The following SRL variants were observed in gnomAD, a reference collection of about 807,000 sequenced individuals.
The protein encoded by SRL is sarcalumenin.
SRL carries 23 observed loss-of-function variants against 39.5 expected under a neutral mutation model. That is an observed-to-expected ratio of 0.58 (90% CI 0.42 to 0.82). The LOEUF is 0.82. Among genes scored for constraint, SRL ranks in the 40% least tolerant of loss-of-function variants. The pLI, the probability that SRL is intolerant of heterozygous loss-of-function variation, is 0.00. For missense variants in SRL, 592 were observed against 607.8 expected, an observed-to-expected ratio of 0.97 and a Z score of 0.27; for synonymous variants, 272 against 237.4, an observed-to-expected ratio of 1.15 and a Z score of -1.34.
At chr16:4,218,558 G>A (rs761212164) in intron 1 of SRL, among the ~76,000 whole-genome samples, 19 of 152,104 alleles carry the variant, frequency 1.2e-4, no homozygotes, top group Non-Finnish European at 1.6e-4. Context: ...TGCTCCTCTC[G>A]CACAAGTGAA....
At chr16:4,234,815 C>T (rs549780179) in intron 1 of SRL, among the ~76,000 whole-genome samples, 109 of 152,332 alleles carry the variant, frequency 7.2e-4, no homozygotes, top group African/African-American at 2.5e-3. Context: ...GAAACCCCTG[C>T]TATGTAGCTC....
At chr16:4,207,437 A>C (rs1433877753) in intron 1 of SRL, 4 of 456,540 alleles carry the variant, frequency 8.8e-6, no homozygotes, top group Non-Finnish European at 1.8e-5. Context: ...CCGCGACGTC[A>C]GGGGCTCCCT....
intron 3 of SRL, among the ~76,000 whole-genome samples, chr16:4,199,123 C>T (rs1475014517): frequency 2.0e-5 from 3 of 152,078 alleles, no homozygotes. Flanking sequence ...GCAGGCCACC[C>T]TAAAAACACT....
intron 1 of SRL, among the ~76,000 whole-genome samples, chr16:4,241,508 A>G (rs965042276): frequency 2.5e-4 from 38 of 152,098 alleles, no homozygotes; most frequent in African/African-American, 7.7e-4. Flanking sequence ...ACCAATTCCA[A>G]TTCTATCTCA....
rs2052105663 is a variant in SRL at position 4,194,296 on chromosome 16, C to G, written c.610+1257G>C. ...TCTTCCCAAATTGAAAATTCTGTAC[C>G]CATTAACAGTAACTGCCCATCTCCC... On this transcript the variant is annotated intron_variant, in intron 5 of 5. Coordinates refer to ENST00000399609, the MANE Select transcript of SRL (RefSeq NM_001098814.2). 3.3e-5 allele frequency among the ~76,000 whole-genome samples: 5 copies of G among 152,292 alleles called. No individual in the cohort carries two copies. The South Asian group carries it at 1.0e-3, about 32-fold the overall frequency.
At chr16:4,199,364 C>CTTTTTTTTTTTTTT (rs71139622) in intron 3 of SRL, among the ~76,000 whole-genome samples, 2 of 84,604 alleles carry the variant, frequency 2.4e-5, no homozygotes, top group African/African-American at 4.1e-5. Context: ...TATTCCCCAT[C>CTTTTTTTTTTTTTT]TTTTTTTTTT....
chr16:4,219,752 C>A (rs115820166), intron 1 of SRL, among the ~76,000 whole-genome samples: 2 of 152,128 alleles, frequency 1.3e-5, no homozygotes, highest in African/African-American at 4.8e-5. Flanking sequence ...TGAGCCACCA[C>A]GCCTGGCCTG....
At chr16:4,204,774 C>G (rs1433450877) in intron 1 of SRL, 140 bp from the exon 2 acceptor site, 1 of 669,190 alleles carries the variant, frequency 1.5e-6, no homozygotes, top group African/African-American at 1.8e-5. Flanking sequence ...TGAGCTCTGC[C>G]TTTAGGAAGG....
chr16:4,218,343 G>C (rs2052484829), intron 1 of SRL, among the ~76,000 whole-genome samples: 1 of 152,152 alleles, frequency 6.6e-6, no homozygotes, highest in Non-Finnish European at 1.5e-5. Flanking sequence ...ACCGGTAAGG[G>C]CCCTTCAAAG....
chr16:4,227,989 G>A (rs2052611184), intron 1 of SRL, among the ~76,000 whole-genome samples: 1 of 152,220 alleles, frequency 6.6e-6, no homozygotes, highest in African/African-American at 2.4e-5. Flanking sequence ...AAGTCATTTG[G>A]GGTGGGACAC....
In SRL at chr16:4,203,145, A is replaced by G. The variant is rs1045458651; in HGVS notation, c.259+21T>C. 2.5e-6 allele frequency: 4 copies of G among 1,604,810 alleles called. No homozygotes were observed. In the African/African-American group the frequency reaches 4.2e-5, roughly 17 times the overall value. Reference sequence around the variant, plus strand: ...CGCCGTACCCGTAATCTCAAGCCCTACCTGTTATCTCAAGCCCTACCTGTG... The same window carrying G: ...CGCCGTACCCGTAATCTCAAGCCCTGCCTGTTATCTCAAGCCCTACCTGTG... On this transcript the variant is annotated intron_variant, in intron 3 of 5. Transcript: ENST00000399609.
At chr16:4,210,257 C>T (rs1445764567) in intron 1 of SRL, among the ~76,000 whole-genome samples, 2 of 152,164 alleles carry the variant, frequency 1.3e-5, no homozygotes, top group African/African-American at 4.8e-5. Flanking sequence ...ATCTCTCCAC[C>T]TTCCACCCCT....
intron 1 of SRL, chr16:4,207,636 G>T (rs565426174): frequency 1.2e-4 from 51 of 440,604 alleles, no homozygotes; most frequent in African/African-American, 1.0e-3. Flanking sequence ...ATGGCCCCCA[G>T]CCTGTCCTCC....
intron 3 of SRL, among the ~76,000 whole-genome samples, chr16:4,198,891 G>A (rs562992755): frequency 6.6e-6 from 1 of 152,326 alleles, no homozygotes; most frequent in African/African-American, 2.4e-5. Flanking sequence ...CCCTGCAAGG[G>A]CCACTCCAGG....
At chr16:4,222,649 C>T (rs994195195) in intron 1 of SRL, among the ~76,000 whole-genome samples, 2 of 152,144 alleles carry the variant, frequency 1.3e-5, no homozygotes, top group African/African-American at 4.8e-5. Context: ...TGACTTGTCC[C>T]CACTGGAGGC....
chr16:4,233,829 G>C (rs1376576888), intron 1 of SRL, among the ~76,000 whole-genome samples: 1 of 152,006 alleles, frequency 6.6e-6, no homozygotes, highest in African/African-American at 2.4e-5. Context: ...ATACCCTCAT[G>C]CTTCTATTTG....
chr16:4,234,143 C>T (rs933022207), intron 1 of SRL, among the ~76,000 whole-genome samples: 6 of 152,174 alleles, frequency 3.9e-5, no homozygotes, highest in South Asian at 2.1e-4. Context: ...CACAGTGTAC[C>T]CACTACATCC....
chr16:4,216,059 C>T (rs942057171), intron 1 of SRL, among the ~76,000 whole-genome samples: 2 of 151,820 alleles, frequency 1.3e-5, no homozygotes, highest in East Asian at 1.9e-4. Flanking sequence ...ATTAAGACTT[C>T]AGCACAATTG....
At chr16:4,212,646 C>T (rs1485480613) in intron 1 of SRL, among the ~76,000 whole-genome samples, 4 of 152,200 alleles carry the variant, frequency 2.6e-5, no homozygotes, top group South Asian at 4.1e-4. Flanking sequence ...CCCCCGACTC[C>T]GGCCAGGCCA....
Sources: gnomAD v4.1 joint callset for allele counts (sites outside exome capture counted in the v4.1 genomes callset) on GRCh38, gnomAD v4.1.1 for gene constraint, MANE v1.5 for transcripts, NCBI Gene and HGNC (gene_info 2026-07-23, HGNC 2026-07-21) for gene names.